FGD4: variants seen among roughly 807,000 people sequenced by gnomAD.
FGD4 encodes the protein FYVE, RhoGEF and PH domain-containing protein 4.
In FGD4, 42 loss-of-function variants were observed where a neutral mutation model predicts 102.0. That is an observed-to-expected ratio of 0.41 (90% CI 0.32 to 0.53). The LOEUF is 0.53. FGD4 is among the 20% of genes least tolerant of loss of function. The pLI is 0.21. For synonymous variants in FGD4, 380 were observed against 375.7 expected (o/e 1.01, Z -0.13); for missense variants, 902 against 1,078.2 (o/e 0.84, Z 2.29).
At chr12:32,524,126 GT>G (rs1233381906) in intron 1 of FGD4, among the ~76,000 whole-genome samples, 1 of 152,000 alleles carries the variant, frequency 6.6e-6, no homozygotes, top group Non-Finnish European at 1.5e-5. Flanking sequence ...GCCGGGTGCG[GT>G]GGCTCATGCC....
chr12:32,477,424 TTC>T (rs549185978), intron 1 of FGD4: 1 of 152,440 alleles, frequency 6.6e-6, no homozygotes, highest in African/African-American at 2.4e-5. Flanking sequence ...CATCCTTGTA[TTC>T]TCTCTGTCAT....
At chr12:32,591,873 G>T (rs1947504231) in intron 4 of FGD4, among the ~76,000 whole-genome samples, 1 of 152,156 alleles carries the variant, frequency 6.6e-6, no homozygotes, top group Non-Finnish European at 1.5e-5. Context: ...AGGTGTGAAG[G>T]CAGACAGTAA....
Position 32,625,770 on chromosome 12 carries a change from A to G in FGD4, c.2163A>G (p.Ala721=). The change falls in exon 14 of 17, where the codon GCA becomes GCG. Residue 721 remains alanine (A), a synonymous_variant. Coordinates refer to ENST00000534526, the MANE Select transcript of FGD4 (RefSeq NM_001370298.3). ...ALTRRRHHCR[A]CGYVVCWKCS... is the part of the protein sequence containing the mutation. ...CACGAAGGAGGCATCATTGTCGAGC[A>G]TGTGGATATGTAAGTGAGATTTCTT... is the stretch of plus-strand genomic sequence containing the variant. 11 of 1,614,024 alleles carry G rather than the reference A, an allele frequency of 6.8e-6. No homozygotes were observed. Among genetic ancestry groups the G allele is most frequent in the Non-Finnish European group, 8.5e-6 (10 of 1,179,956 alleles).
intron 1 of FGD4, among the ~76,000 whole-genome samples, chr12:32,548,799 G>A (rs1416452829): frequency 2.6e-5 from 4 of 152,216 alleles, no homozygotes; most frequent in African/African-American, 7.2e-5. Context: ...TCAGAACATC[G>A]TGAGATCATG....
intron 1 of FGD4, among the ~76,000 whole-genome samples, chr12:32,484,853 C>T (rs1183389648): frequency 6.6e-6 from 1 of 152,044 alleles, no homozygotes; most frequent in Non-Finnish European, 1.5e-5. Flanking sequence ...GCCAGGGTGA[C>T]AGAGGGATAC....
chr12:32,638,786 T>C lies in FGD4; in HGVS notation c.2445T>C (p.Gly815=). The C allele has an allele frequency of 6.2e-7, 1 of 1,614,030 alleles. No individual in the cohort carries two copies. Among genetic ancestry groups the C allele is most frequent in the Non-Finnish European group, 8.5e-7 (1 of 1,179,938 alleles). ...KQDPLVLYMY[G]APQDVRAQAT... is the part of the protein sequence containing the mutation. ...ACCCTCTTGTGCTGTACATGTATGGTGCCCCCCAGGTATCTAAACCACATC... is the reference window on the plus strand; with the variant it reads ...ACCCTCTTGTGCTGTACATGTATGGCGCCCCCCAGGTATCTAAACCACATC... Residue 815 remains glycine, a synonymous_variant, in exon 16 of 17, where the codon GGT becomes GGC. Coordinates refer to ENST00000534526, the MANE Select transcript of FGD4 (RefSeq NM_001370298.3).
intron 1 of FGD4, among the ~76,000 whole-genome samples, chr12:32,459,540 A>G (rs1260932841): frequency 3.3e-5 from 5 of 152,106 alleles, no homozygotes; most frequent in Admixed American, 6.6e-5. Flanking sequence ...TAAGGCACTC[A>G]AAGATGCTTC....
chr12:32,453,575 A>C (rs2136480520), intron 1 of FGD4, among the ~76,000 whole-genome samples: 1 of 152,216 alleles, frequency 6.6e-6, no homozygotes, highest in South Asian at 2.1e-4. Context: ...TAAGAACTCC[A>C]GTTTGGCTGA....
intron 1 of FGD4, among the ~76,000 whole-genome samples, chr12:32,508,461 T>C (rs1356180913): frequency 6.6e-6 from 1 of 152,218 alleles, no homozygotes; most frequent in Admixed American, 6.5e-5. Context: ...TTTCTTTTAT[T>C]ATCACCACCA....
chr12:32,552,470 C>G (rs1163482778), intron 1 of FGD4, among the ~76,000 whole-genome samples: 1 of 124,130 alleles, frequency 8.1e-6, no homozygotes, highest in Admixed American at 9.8e-5. Context: ...GTAGTAGAGA[C>G]AATGTTTCAC....
intron 1 of FGD4, among the ~76,000 whole-genome samples, chr12:32,555,040 G>A (rs1192738807): frequency 2.0e-5 from 3 of 152,240 alleles, no homozygotes; most frequent in East Asian, 1.9e-4. Flanking sequence ...GTCCTGGTTT[G>A]ACAATATGGA....
intron 2 of FGD4, among the ~76,000 whole-genome samples, chr12:32,573,333 G>T (rs1173513519): frequency 6.6e-6 from 1 of 151,770 alleles, no homozygotes; most frequent in Non-Finnish European, 1.5e-5. Flanking sequence ...CTGACCTCAT[G>T]ATCCGCCCGC....
intron 4 of FGD4, among the ~76,000 whole-genome samples, chr12:32,590,496 T>C (rs1947387898): frequency 6.6e-6 from 1 of 152,124 alleles, no homozygotes; most frequent in Admixed American, 6.6e-5. Context: ...ATGAAACCTG[T>C]GTTTTATTCC....
chr12:32,446,161 TA>T (rs1942609071), intron 1 of FGD4, among the ~76,000 whole-genome samples: 1 of 152,104 alleles, frequency 6.6e-6, no homozygotes, highest in Non-Finnish European at 1.5e-5. Context: ...TCTCAAAAAA[TA>T]AAAATAAAAT....
intron 4 of FGD4, among the ~76,000 whole-genome samples, chr12:32,585,222 T>TTATTTATATATATATATATA (rs960851781): frequency 2.6e-5 from 3 of 116,142 alleles, no homozygotes; most frequent in African/African-American, 9.2e-5. Context: ...CTCAAAAATT[T>TTATTTATATATATATATATA]TATATATATA....
At chr12:32,486,058 T>C (rs1943890311) in intron 1 of FGD4, 1 of 1,500,264 alleles carries the variant, frequency 6.7e-7, no homozygotes, top group Non-Finnish European at 8.8e-7. Flanking sequence ...CAACAAATTA[T>C]GGATCCAAAT....
chr12:32,465,938 G>A (rs985920733), intron 1 of FGD4, among the ~76,000 whole-genome samples: 6 of 152,052 alleles, frequency 3.9e-5, no homozygotes, highest in African/African-American at 7.2e-5. Flanking sequence ...GCCACCATGC[G>A]TGGCTACTTT....
At chr12:32,537,994 G>T (rs1384143059) in intron 1 of FGD4, among the ~76,000 whole-genome samples, 9 of 152,090 alleles carry the variant, frequency 5.9e-5, no homozygotes, top group Non-Finnish European at 7.4e-5. Flanking sequence ...CTCTCAGGCT[G>T]AAACGATCCT....
chr12:32,602,409 T>C, intron 7 of FGD4, 92 bp downstream of exon 7: 1 of 1,499,332 alleles, frequency 6.7e-7, no homozygotes, highest in Middle Eastern at 2.0e-4. Flanking sequence ...TAGAGATCTG[T>C]CTGAGATACC....
Sources: gnomAD v4.1 joint callset for allele counts (sites outside exome capture counted in the v4.1 genomes callset) on GRCh38, gnomAD v4.1.1 for gene constraint, MANE v1.5 for transcripts, NCBI Gene and HGNC (gene_info 2026-07-23, HGNC 2026-07-21) for gene names.